The following MYLK variants were observed in gnomAD, a reference collection of about 807,000 sequenced individuals.
The protein encoded by MYLK is myosin light chain kinase, smooth muscle.
Under a neutral mutation model 203.4 loss-of-function variants are expected in MYLK, and 106 were observed. That is an observed-to-expected ratio of 0.52 (90% CI 0.45 to 0.61). The LOEUF is 0.61. MYLK is among the 20% of genes least tolerant of loss of function. The pLI, the probability that MYLK is intolerant of heterozygous loss-of-function variation, is 0.00. For missense variants in MYLK, 2,072 were observed against 2,442.3 expected, an observed-to-expected ratio of 0.85 and a Z score of 3.20; for synonymous variants, 867 against 959.5, an observed-to-expected ratio of 0.90 and a Z score of 1.78.
chr3:123,877,295 T>C (rs559199819), intron 1 of MYLK, among the ~76,000 whole-genome samples: 3 of 152,194 alleles, frequency 2.0e-5, no homozygotes, highest in Admixed American at 6.5e-5. Flanking sequence ...CTGTTCTGTG[T>C]GAAACAGGGA....
intron 18 of MYLK, among the ~76,000 whole-genome samples, chr3:123,697,050 C>T (rs2060958909): frequency 1.3e-5 from 2 of 152,192 alleles, no homozygotes; most frequent in African/African-American, 4.8e-5. Context: ...CAGCTCCTCC[C>T]GACACACTCA....
intron 22 of MYLK, among the ~76,000 whole-genome samples, chr3:123,665,775 C>T (rs151301145): frequency 2.6e-5 from 4 of 152,350 alleles, no homozygotes; most frequent in African/African-American, 9.6e-5. Flanking sequence ...TATCCAAATA[C>T]TCACATTTGC....
chr3:123,784,018 G>A (rs1486002314), intron 4 of MYLK, among the ~76,000 whole-genome samples: 3 of 152,210 alleles, frequency 2.0e-5, no homozygotes, highest in Non-Finnish European at 2.9e-5. Flanking sequence ...GCTGGGACAA[G>A]AAATGTCACG....
At chr3:123,823,195 C>G (rs1053747819) in intron 3 of MYLK, among the ~76,000 whole-genome samples, 1 of 152,218 alleles carries the variant, frequency 6.6e-6, no homozygotes, top group African/African-American at 2.4e-5. Flanking sequence ...TTCCCCGTCT[C>G]TAAATGACTG....
intron 2 of MYLK, among the ~76,000 whole-genome samples, chr3:123,873,765 A>AC (rs1174269729): frequency 6.6e-6 from 1 of 152,120 alleles, no homozygotes; most frequent in African/African-American, 2.4e-5. Flanking sequence ...TAGATTTTCA[A>AC]ACTCTGCAAG....
chr3:123,627,247 T>C (rs1460281993), intron 30 of MYLK, among the ~76,000 whole-genome samples: 2 of 152,206 alleles, frequency 1.3e-5, no homozygotes, highest in Non-Finnish European at 2.9e-5. Flanking sequence ...CAGACGTTTC[T>C]GGGATTGGCT....
At chr3:123,753,663 G>A (rs1006223589) in intron 4 of MYLK, among the ~76,000 whole-genome samples, 5 of 152,080 alleles carry the variant, frequency 3.3e-5, no homozygotes, top group South Asian at 2.1e-4. Context: ...TCCCCCAAGG[G>A]CCTTCAAACA....
chr3:123,620,602 CA>C, intron 31 of MYLK: 2 of 1,257,796 alleles, frequency 1.6e-6, no homozygotes, highest in East Asian at 3.8e-5. Context: ...CAACATGAGA[CA>C]AAAACCCTTT....
At chr3:123,857,904 G>C (rs2031556213) in intron 2 of MYLK, among the ~76,000 whole-genome samples, 1 of 152,136 alleles carries the variant, frequency 6.6e-6, no homozygotes, top group Non-Finnish European at 1.5e-5. Context: ...AGCCTACACT[G>C]GGCCTGTCAC....
chr3:123,738,651 T>C (rs1341595319), intron 7 of MYLK, among the ~76,000 whole-genome samples: 1 of 152,188 alleles, frequency 6.6e-6, no homozygotes, highest in African/African-American at 2.4e-5. Flanking sequence ...ATAAGTCTCA[T>C]GTGATCTGAT....
At chr3:123,770,590 G>A (rs1488244403) in intron 4 of MYLK, among the ~76,000 whole-genome samples, 4 of 152,204 alleles carry the variant, frequency 2.6e-5, no homozygotes, top group African/African-American at 9.6e-5. Flanking sequence ...ATAGGATATT[G>A]AGGAAGCGGC....
Position 123,737,361 on chromosome 3 carries a change from C to T in MYLK, c.754+17G>A, listed in dbSNP as rs146661440. ...CAGGCAGGGATCGTTCTGCACTAGCCGTCCACTGGTCGATACCTTGGATGG... is the reference window on the plus strand; with the variant it reads ...CAGGCAGGGATCGTTCTGCACTAGCTGTCCACTGGTCGATACCTTGGATGG... On this transcript the variant is annotated intron_variant, in intron 8 of 33. Coordinates refer to ENST00000360304, the MANE Select transcript of MYLK (RefSeq NM_053025.4). The T allele has an allele frequency of 1.2e-4, 196 of 1,614,088 alleles. 1 individual carries two copies. Among genetic ancestry groups the T allele is most frequent in the African/African-American group, 1.1e-3 (83 of 75,018 alleles).
At chr3:123,879,109 T>C (rs2033348933) in intron 1 of MYLK, among the ~76,000 whole-genome samples, 1 of 152,136 alleles carries the variant, frequency 6.6e-6, no homozygotes, top group South Asian at 2.1e-4. Context: ...ATATGAGGCA[T>C]GAAAAGAGAA....
chr3:123,881,998 G>GT (rs768355549), intron 1 of MYLK, among the ~76,000 whole-genome samples: 53 of 152,210 alleles, frequency 3.5e-4, no homozygotes, highest in Non-Finnish European at 5.9e-4. Flanking sequence ...CAGGCAGCAG[G>GT]TGGGGCCACC....
At chr3:123,773,501 C>A (rs1253942641) in intron 4 of MYLK, among the ~76,000 whole-genome samples, 1 of 152,156 alleles carries the variant, frequency 6.6e-6, no homozygotes, top group East Asian at 1.9e-4. Context: ...AAGAGACTGG[C>A]AGTGACTAAA....
At chr3:123,861,300 G>T (rs923103943) in intron 2 of MYLK, among the ~76,000 whole-genome samples, 5 of 152,220 alleles carry the variant, frequency 3.3e-5, no homozygotes, top group Non-Finnish European at 7.3e-5. Context: ...GAGACAGCTG[G>T]GTTCACACCC....
chr3:123,809,150 C>T (rs945214175), intron 3 of MYLK, among the ~76,000 whole-genome samples: 1 of 152,184 alleles, frequency 6.6e-6, no homozygotes, highest in South Asian at 2.1e-4. Context: ...AAGAAACTGA[C>T]TTAAGGCCAC....
At chr3:123,824,337 G>A (rs978017188) in intron 3 of MYLK, among the ~76,000 whole-genome samples, 1 of 152,080 alleles carries the variant, frequency 6.6e-6, no homozygotes, top group Non-Finnish European at 1.5e-5. Flanking sequence ...TGATCCATCC[G>A]CCTTGGTCTC....
chr3:123,707,845 G>A lies in MYLK; in HGVS notation c.2299C>T (p.His767Tyr). ...TCCTCATTCTGAAGCACCTCGAAGT[G>A]GCCAGTGTCTTTGCAGAGGGCTTTG... is the stretch of plus-strand genomic sequence containing the variant. ...DGKALCKDTG[H>Y]FEVLQNEDVF... The change falls in exon 16 of 34, where the codon CAC (histidine) becomes TAC (tyrosine). Residue 767 changes from histidine (H) to tyrosine (Y), a missense_variant. This residue lies in a region of MYLK where 865 missense variants were observed against 1,016.0 expected (regional missense o/e 0.85). Coordinates refer to ENST00000360304, the MANE Select transcript of MYLK (RefSeq NM_053025.4). 1.2e-6 allele frequency: 2 copies of A among 1,614,226 alleles called. No individual in the cohort carries two copies. The highest frequency in any genetic ancestry group is 1.7e-6 in the Non-Finnish European group (2 of 1,180,050).
Sources: gnomAD v4.1 joint callset for allele counts (sites outside exome capture counted in the v4.1 genomes callset) on GRCh38, gnomAD v4.1.1 for gene constraint, gnomAD v4.1.1 regional missense constraint, MANE v1.5 for transcripts, NCBI Gene and HGNC (gene_info 2026-07-23, HGNC 2026-07-21) for gene names.